PDSS1: variants seen among roughly 807,000 people sequenced by gnomAD.
PDSS1 encodes the protein decaprenyl diphosphate synthase subunit 1.
A neutral mutation model predicts 57.5 loss-of-function variants in PDSS1; 43 were observed. The ratio of observed to expected loss-of-function variants is 0.75; its 90% CI spans 0.59 to 0.96. The LOEUF (loss-of-function observed/expected upper bound fraction) is 0.96. Among genes scored for constraint, PDSS1 ranks in the 50% least tolerant of loss-of-function variants. The probability of loss-of-function intolerance (pLI) is 0.00; values close to 1 mark genes in which losing one functional copy is unlikely to be tolerated. For synonymous variants in PDSS1, 175 were observed against 191.3 expected, an observed-to-expected ratio of 0.91 and a Z score of 0.70; for missense variants, 438 against 527.8, an observed-to-expected ratio of 0.83 and a Z score of 1.67.
intron 6 of PDSS1, among the ~76,000 whole-genome samples, chr10:26,721,298 CA>C (rs60684682): frequency 0.3 from 39,592 of 131,372 alleles, 5,654 homozygotes; most frequent in Middle Eastern, 0.4. Context: ...GACTCCATTT[CA>C]AAAAAAAAAA....
At chr10:26,732,270 G>A (rs1836234312) in intron 8 of PDSS1, among the ~76,000 whole-genome samples, 1 of 152,220 alleles carries the variant, frequency 6.6e-6, no homozygotes, top group African/African-American at 2.4e-5. Flanking sequence ...GTACTGACCT[G>A]GGATGGGGAA....
intron 10 of PDSS1, among the ~76,000 whole-genome samples, chr10:26,741,707 A>G (rs1836617410): frequency 2.0e-5 from 3 of 151,982 alleles, no homozygotes; most frequent in Admixed American, 2.0e-4. Flanking sequence ...TAGGCCAGTG[A>G]CTCTCAAAAT....
rs751609799 is a variant in PDSS1 at position 26,704,727 on chromosome 10, A to T, written c.213A>T (p.Val71=). The T allele has an allele frequency of 7.0e-7, 1 of 1,422,580 alleles. No individual in the cohort carries two copies. The highest frequency in any genetic ancestry group is 9.9e-7 in the Non-Finnish European group (1 of 1,005,862). 88.1% of individuals were successfully genotyped at this position (1,422,580 alleles called of 1,614,324 possible). Residue 71 remains valine (V), a synonymous_variant, in exon 3 of 12, where the codon GTA becomes GTT. Coordinates refer to ENST00000376215, the MANE Select transcript of PDSS1 (RefSeq NM_014317.5). ...VKHLTSACPN[V]CRISRFHHTT... ...ATTTAACATCTGCCTGTCCAAATGTATGTCGTATATCACGGTAAGTTTACA... is the reference window on the plus strand; with the variant it reads ...ATTTAACATCTGCCTGTCCAAATGTTTGTCGTATATCACGGTAAGTTTACA...
chr10:26,740,571 G>A lies in PDSS1; in HGVS notation c.1027-1926G>A. ...GATCACTTGGCTGCGGCTTTTCTAT[G>A]TATGCCCTATTTTTTCTTCTAGGAT... On this transcript the variant is annotated intron_variant, in intron 10 of 11. Transcript: ENST00000376215. 4.4e-6 allele frequency: 2 copies of A among 454,158 alleles called. 1 individual carries two copies. 28.1% of individuals were successfully genotyped at this position (454,158 alleles called of 1,614,324 possible).
At chr10:26,737,221 G>C (rs1353294528) in intron 10 of PDSS1, among the ~76,000 whole-genome samples, 1 of 152,164 alleles carries the variant, frequency 6.6e-6, no homozygotes, top group African/African-American at 2.4e-5. Context: ...TGAACCCCAG[G>C]ATACTAAGTT....
intron 11 of PDSS1, among the ~76,000 whole-genome samples, chr10:26,745,717 C>T (rs970653424): frequency 1.8e-4 from 27 of 151,894 alleles, no homozygotes; most frequent in African/African-American, 6.3e-4. Flanking sequence ...CATGGTGGCA[C>T]GCGCCTGTAG....
At chr10:26,722,173 G>A (rs895969707) in intron 6 of PDSS1, among the ~76,000 whole-genome samples, 3 of 152,166 alleles carry the variant, frequency 2.0e-5, no homozygotes, top group African/African-American at 7.2e-5. Flanking sequence ...AATGATGTAG[G>A]GGCTGGGTCG....
chr10:26,737,722 C>CAAAAAAA (rs200552153), intron 10 of PDSS1, among the ~76,000 whole-genome samples: 2 of 73,564 alleles, frequency 2.7e-5, no homozygotes, highest in Non-Finnish European at 5.4e-5. Flanking sequence ...GACTCCGTCT[C>CAAAAAAA]AAAAAAAAAA....
intron 8 of PDSS1, among the ~76,000 whole-genome samples, chr10:26,728,075 G>T (rs1481240701): frequency 6.6e-6 from 1 of 152,216 alleles, no homozygotes; most frequent in Admixed American, 6.5e-5. Flanking sequence ...ATACTGTCGG[G>T]CCGGGCACAG....
chr10:26,716,422 G>C (rs753576760), intron 5 of PDSS1, among the ~76,000 whole-genome samples: 8 of 152,110 alleles, frequency 5.3e-5, no homozygotes, highest in Non-Finnish European at 8.8e-5. Context: ...TTGGCCGGGT[G>C]CGGTGGCTCA....
In PDSS1 at chr10:26,704,687, T is replaced by TA. The variant is rs1835152848; in HGVS notation, c.173_174insA (p.Asn59Ter). The TA allele has an allele frequency of 5.8e-6, 8 of 1,385,590 alleles. No individual in the cohort carries two copies. The highest frequency in any genetic ancestry group is 8.2e-6 in the Non-Finnish European group (8 of 972,422). 85.8% of individuals were successfully genotyped at this position (1,385,590 alleles called of 1,614,324 possible). On this transcript the variant is annotated frameshift_variant, in exon 3 of 12. Transcript: ENST00000376215. LOFTEE classifies it high-confidence loss of function. ...ATTTTTATTTTATAGATACCCTATA[T>TA]TAATCTTGTGAAGCATTTAACATCT...
At chr10:26,729,254 C>T (rs1334841784) in intron 8 of PDSS1, among the ~76,000 whole-genome samples, 5 of 152,138 alleles carry the variant, frequency 3.3e-5, no homozygotes, top group Admixed American at 3.3e-4. Flanking sequence ...CCAAGGAGCC[C>T]ACATTCCTTT....
chr10:26,734,606 G>A (rs989669086), intron 8 of PDSS1: 7 of 447,484 alleles, frequency 1.6e-5, no homozygotes, highest in Admixed American at 9.9e-5. Context: ...GAGAAATGTG[G>A]AAACAGTGGG....
chr10:26,724,560 C>CTTTT (rs1252733181), intron 8 of PDSS1, among the ~76,000 whole-genome samples: 9 of 151,774 alleles, frequency 5.9e-5, no homozygotes, highest in Non-Finnish European at 1.3e-4. Flanking sequence ...ATTCTATGAA[C>CTTTT]TTTTTTTTGT....
chr10:26,718,031 G>GT (rs1459108374), intron 5 of PDSS1: 5 of 141,306 alleles, frequency 3.5e-5, no homozygotes, highest in Admixed American at 2.1e-4. Context: ...ATTTACTGAA[G>GT]TTTATTGGGG....
intron 10 of PDSS1, among the ~76,000 whole-genome samples, chr10:26,741,504 A>C (rs1004166984): frequency 6.6e-6 from 1 of 151,730 alleles, no homozygotes; most frequent in African/African-American, 2.4e-5. Context: ...GGGAAAAACA[A>C]CAAAAAAACA....
intron 10 of PDSS1, among the ~76,000 whole-genome samples, chr10:26,736,004 G>C (rs550019758): frequency 6.6e-6 from 1 of 152,278 alleles, no homozygotes; most frequent in East Asian, 1.9e-4. Context: ...AGCATCAAGG[G>C]CCTCCAAGCA....
chr10:26,735,540 C>G lies in PDSS1; in HGVS notation c.987C>G (p.Leu329=). Residue 329 remains leucine (L), a synonymous_variant, in exon 10 of 12, where the codon CTC becomes CTG. Transcript: ENST00000376215. The part of the protein sequence containing the change: ...MGKPTSADLK[L]GLATGPVLFA... ...AACCAACATCAGCTGATCTGAAGCT[C>G]GGGTTAGCCACTGGTCCTGTCCTGT... is the stretch of plus-strand genomic sequence containing the variant. 2 of 1,613,928 alleles carry G rather than the reference C, an allele frequency of 1.2e-6. No individual in the cohort carries two copies. Among genetic ancestry groups the G allele is most frequent in the Non-Finnish European group, 1.7e-6 (2 of 1,179,778 alleles).
chr10:26,718,169 A>G (rs1268304277), intron 5 of PDSS1: 1 of 151,970 alleles, frequency 6.6e-6, no homozygotes, highest in Non-Finnish European at 1.5e-5. Flanking sequence ...CAGCCTCTCA[A>G]GTAGCTGGGA....
Sources: gnomAD v4.1 joint callset for allele counts (sites outside exome capture counted in the v4.1 genomes callset) on GRCh38, gnomAD v4.1.1 for gene constraint, MANE v1.5 for transcripts, NCBI Gene and HGNC (gene_info 2026-07-23, HGNC 2026-07-21) for gene names.